The following MARK1 variants were observed in gnomAD, a reference collection of about 807,000 sequenced individuals.
The protein encoded by MARK1 is serine/threonine-protein kinase MARK1.
In MARK1, 40 loss-of-function variants were observed where a neutral mutation model predicts 96.3. That is an observed-to-expected ratio of 0.42 (90% CI 0.32 to 0.54). MARK1 has a LOEUF of 0.54. Ranked by LOEUF, MARK1 falls within the 20% of genes least tolerant of loss-of-function variation. The pLI, the probability that MARK1 is intolerant of heterozygous loss-of-function variation, is 0.16. For synonymous variants in MARK1, 317 were observed against 341.2 expected, an observed-to-expected ratio of 0.93 and a Z score of 0.78; for missense variants, 719 against 984.6, an observed-to-expected ratio of 0.73 and a Z score of 3.61.
chr1:220,624,313 A>T (rs1435484547), intron 9 of MARK1, among the ~76,000 whole-genome samples: 5 of 144,410 alleles, frequency 3.5e-5, no homozygotes, highest in African/African-American at 1.3e-4. Flanking sequence ...AAAAAAAAAA[A>T]AATAGGTTGG....
chr1:220,602,517 T>G (rs1665814128), intron 5 of MARK1, among the ~76,000 whole-genome samples: 1 of 152,180 alleles, frequency 6.6e-6, no homozygotes, highest in Non-Finnish European at 1.5e-5. Context: ...GGTAAGTGTA[T>G]TCTAGGCAGC....
Position 220,618,615 on chromosome 1 carries a change from CT to C in MARK1, c.790-18del, listed in dbSNP as rs765885085. The C allele has an allele frequency of 6.2e-7, 1 of 1,613,270 alleles. No individual in the cohort carries two copies. Among genetic ancestry groups the C allele is most frequent in the East Asian group, 2.2e-5 (1 of 44,858 alleles). On this transcript the variant is annotated intron_variant, in intron 8 of 17. Coordinates refer to ENST00000366917, the MANE Select transcript of MARK1 (RefSeq NM_018650.5). This position sits in a 1 kb window ranked among gnomAD's most constrained non-coding sequence, Gnocchi z 4.6. ...TTATGTCAAAAACCAGTTATAAGTGCTTTCTTTCACTTTTATTAAGGAACTG... is the reference window on the plus strand; with the variant it reads ...TTATGTCAAAAACCAGTTATAAGTGCTTCTTTCACTTTTATTAAGGAACTG...
intron 3 of MARK1, among the ~76,000 whole-genome samples, chr1:220,589,553 A>T (rs1226109943): frequency 6.6e-6 from 1 of 152,080 alleles, no homozygotes; most frequent in Non-Finnish European, 1.5e-5. Context: ...GCCAAGAACC[A>T]AGAAGGAAAC....
chr1:220,625,109 T>G (rs1667254736), intron 9 of MARK1, among the ~76,000 whole-genome samples: 1 of 152,232 alleles, frequency 6.6e-6, no homozygotes, highest in South Asian at 2.1e-4. Context: ...AAACACTACC[T>G]TGTTCAAAAA....
intron 3 of MARK1, among the ~76,000 whole-genome samples, chr1:220,594,247 A>G (rs552722885): frequency 6.6e-6 from 1 of 152,212 alleles, no homozygotes; most frequent in African/African-American, 2.4e-5. Context: ...AAGAAATTAT[A>G]TAGATGGCAA....
rs1666864442 is a variant in MARK1, at chr1:220,618,236, G to A, written c.553-74G>A. The stretch of plus-strand genomic sequence containing the variant: ...GGGCAAGAGATATGTAAGTTTGGAA[G>A]CTAAAACTCTTTTACAAATATTTTT... On this transcript the variant is annotated intron_variant, in intron 7 of 17. Coordinates refer to ENST00000366917, the MANE Select transcript of MARK1 (RefSeq NM_018650.5). This position sits in a 1 kb window ranked among gnomAD's most constrained non-coding sequence, Gnocchi z 4.6. The A allele has an allele frequency of 1.0e-6, 1 of 970,642 alleles. No homozygotes were observed. 60.1% of individuals were successfully genotyped at this position (970,642 alleles called of 1,614,324 possible). A position where few individuals can be genotyped will look rare whatever the true frequency, so the allele number is the denominator to read the frequency against.
intron 9 of MARK1, among the ~76,000 whole-genome samples, chr1:220,620,444 T>C (rs1260228817): frequency 6.6e-6 from 1 of 152,180 alleles, no homozygotes; most frequent in Non-Finnish European, 1.5e-5. Context: ...CCACTTGACC[T>C]GAGTGACACA....
At position 220,569,702 on chromosome 1, in the gene MARK1, T is replaced by C. The variant is rs759039079; in HGVS notation, c.52-9652T>C. Among the ~76,000 whole-genome samples, 3 of 152,264 alleles carry C rather than the reference T, an allele frequency of 2.0e-5. No individual in the cohort carries two copies. The South Asian group carries it at 6.2e-4, about 32-fold the overall frequency. The stretch of plus-strand genomic sequence containing the variant: ...AAGTGCTAAATTTCACACTAACATA[T>C]CACATATGTTTGCATTTAGATCTAT... On this transcript the variant is annotated intron_variant, in intron 1 of 17. Coordinates refer to ENST00000366917, the MANE Select transcript of MARK1 (RefSeq NM_018650.5).
At chr1:220,660,356 A>G (rs1269200319) in intron 17 of MARK1, among the ~76,000 whole-genome samples, 1 of 152,050 alleles carries the variant, frequency 6.6e-6, no homozygotes, top group African/African-American at 2.4e-5. Flanking sequence ...TCCTTTCCTT[A>G]TTTTCTCAAG....
intron 1 of MARK1, among the ~76,000 whole-genome samples, chr1:220,547,433 G>T (rs1427881395): frequency 1.3e-5 from 2 of 152,138 alleles, no homozygotes; most frequent in African/African-American, 2.4e-5. Flanking sequence ...CTCCAGGAGG[G>T]GAGAAAAACA....
chr1:220,610,033 G>C (rs998090914), intron 6 of MARK1, among the ~76,000 whole-genome samples: 1 of 152,178 alleles, frequency 6.6e-6, no homozygotes, highest in Admixed American at 6.5e-5. Flanking sequence ...GTGTCTTGGG[G>C]TTGTTCTTCT....
At chr1:220,600,152 A>G (rs901056077) in intron 5 of MARK1, among the ~76,000 whole-genome samples, 3 of 152,146 alleles carry the variant, frequency 2.0e-5, no homozygotes, top group African/African-American at 7.2e-5. Context: ...TCTAAATTTT[A>G]CTATATCATA....
chr1:220,618,792 CA>C lies in MARK1; in HGVS notation c.909+39del. On this transcript the variant is annotated intron_variant, in intron 9 of 17. Coordinates refer to ENST00000366917, the MANE Select transcript of MARK1 (RefSeq NM_018650.5). The surrounding 1 kb of genome is among the most constrained non-coding windows in gnomAD (Gnocchi z 4.6). ...TTTGTACTCCAAATTTAAATTTTAA[CA>C]ATTAAAATATTCCAGGAACCGAAGA... is the stretch of plus-strand genomic sequence containing the variant. 6.6e-7 allele frequency: 1 copy of C among 1,520,502 alleles called. No individual in the cohort carries two copies. The highest frequency in any genetic ancestry group is 8.9e-7 in the Non-Finnish European group (1 of 1,128,790). 94.2% of individuals were successfully genotyped at this position (1,520,502 alleles called of 1,614,324 possible).
intron 6 of MARK1, among the ~76,000 whole-genome samples, chr1:220,613,181 A>C (rs1326728925): frequency 6.6e-6 from 1 of 152,170 alleles, no homozygotes. Context: ...AAAATAATGC[A>C]GTAAAAATTG....
At chr1:220,626,221 C>T (rs528992460) in intron 9 of MARK1, 20 of 543,524 alleles carry the variant, frequency 3.7e-5, no homozygotes, top group African/African-American at 3.4e-4. Flanking sequence ...CATCCTGGAA[C>T]TGCTAACCTA....
chr1:220,633,247 A>C (rs1251572871), intron 11 of MARK1, among the ~76,000 whole-genome samples: 1 of 152,202 alleles, frequency 6.6e-6, no homozygotes, highest in African/African-American at 2.4e-5. Context: ...TTTGGAGGGG[A>C]CAGAGCATCC....
chr1:220,548,614 C>CT (rs1461570344), intron 1 of MARK1, among the ~76,000 whole-genome samples: 1 of 152,088 alleles, frequency 6.6e-6, no homozygotes, highest in East Asian at 1.9e-4. Flanking sequence ...TGGTGGGCAC[C>CT]TGTAGTCCCA....
chr1:220,634,811 C>T (rs997672599), intron 11 of MARK1, among the ~76,000 whole-genome samples: 5 of 151,994 alleles, frequency 3.3e-5, no homozygotes, highest in African/African-American at 1.2e-4. Flanking sequence ...AATATAATTT[C>T]CTGATCAGAA....
At chr1:220,604,434 A>G (rs1183128877) in intron 6 of MARK1, among the ~76,000 whole-genome samples, 1 of 152,080 alleles carries the variant, frequency 6.6e-6, no homozygotes, top group African/African-American at 2.4e-5. Context: ...GAAAAAAATT[A>G]GTTAACCCTT....
Sources: gnomAD v4.1 joint callset for allele counts (sites outside exome capture counted in the v4.1 genomes callset) on GRCh38, gnomAD v4.1.1 for gene constraint, Gnocchi (gnomAD v3.1) non-coding constraint, MANE v1.5 for transcripts, NCBI Gene and HGNC (gene_info 2026-07-23, HGNC 2026-07-21) for gene names.